WWOX: variants seen among roughly 807,000 people sequenced by gnomAD.
WWOX encodes the protein WW domain-containing oxidoreductase.
WWOX carries 69 observed loss-of-function variants against 46.2 expected under a neutral mutation model. The observed-to-expected ratio is 1.49, with a 90% confidence interval of 1.23 to 1.82. The LOEUF (loss-of-function observed/expected upper bound fraction) is 1.82. WWOX is among the 40% of genes most tolerant of loss of function. The pLI, the probability that WWOX is intolerant of heterozygous loss-of-function variation, is 0.00. For synonymous variants in WWOX, 359 were observed against 202.6 expected (o/e 1.77, Z -6.56); for missense variants, 919 against 542.6 (o/e 1.69, Z -6.89).
chr16:78,203,479 A>G (rs1204571631), intron 5 of WWOX, among the ~76,000 whole-genome samples: 1 of 152,200 alleles, frequency 6.6e-6, no homozygotes, highest in Non-Finnish European at 1.5e-5. Flanking sequence ...GAAAAGGCAA[A>G]ATTCTCTGTG....
intron 5 of WWOX, among the ~76,000 whole-genome samples, chr16:78,351,846 G>A (rs1244190303): frequency 2.0e-5 from 3 of 152,128 alleles, no homozygotes; most frequent in Admixed American, 1.3e-4. Flanking sequence ...TACTCGAGAC[G>A]TAGTTTCACC....
intron 8 of WWOX, among the ~76,000 whole-genome samples, chr16:78,781,153 A>G (rs1276312585): frequency 6.6e-6 from 1 of 152,198 alleles, no homozygotes; most frequent in Non-Finnish European, 1.5e-5. Context: ...AAATGATGAC[A>G]CATTCACCAC....
chr16:79,071,034 C>T (rs1235494080), intron 8 of WWOX, among the ~76,000 whole-genome samples: 2 of 152,296 alleles, frequency 1.3e-5, no homozygotes, highest in South Asian at 2.1e-4. Context: ...GCAGCCCATA[C>T]GTGAATGCAT....
intron 8 of WWOX, among the ~76,000 whole-genome samples, chr16:79,023,554 C>T (rs1704911745): frequency 6.6e-6 from 1 of 152,126 alleles, no homozygotes; most frequent in South Asian, 2.1e-4. Context: ...AGGACAGTGA[C>T]CATCCACCAC....
chr16:78,958,369 A>G (rs1018793714), intron 8 of WWOX, among the ~76,000 whole-genome samples: 2 of 152,232 alleles, frequency 1.3e-5, no homozygotes, highest in African/African-American at 4.8e-5. Context: ...AGATGGTACA[A>G]ACCCCCATGG....
At chr16:78,204,560 C>T (rs543197578) in intron 5 of WWOX, among the ~76,000 whole-genome samples, 1 of 152,170 alleles carries the variant, frequency 6.6e-6, no homozygotes, top group Admixed American at 6.5e-5. Context: ...ATCAACCCCC[C>T]ACTACCCTTC....
At chr16:78,365,107 T>C (rs2081504204) in intron 5 of WWOX, among the ~76,000 whole-genome samples, 1 of 152,206 alleles carries the variant, frequency 6.6e-6, no homozygotes. Context: ...TTTCCATTTC[T>C]TCACTTGCAA....
intron 8 of WWOX, among the ~76,000 whole-genome samples, chr16:78,670,868 G>A (rs942227990): frequency 3.9e-5 from 6 of 151,946 alleles, no homozygotes; most frequent in African/African-American, 9.7e-5. Flanking sequence ...GAATGTGATC[G>A]TACTGGTTTA....
chr16:79,063,689 C>G, intron 8 of WWOX, among the ~76,000 whole-genome samples: 1 of 152,160 alleles, frequency 6.6e-6, no homozygotes, highest in East Asian at 1.9e-4. Context: ...GACGTGCCAG[C>G]ACCTCAAGAA....
rs1440983704 is a variant in WWOX at position 78,948,820 on chromosome 16, T to C, written c.1057-262788T>C. Among the ~76,000 whole-genome samples, 7 of 152,074 alleles carry C rather than the reference T, an allele frequency of 4.6e-5. No individual in the cohort carries two copies. In the East Asian group the frequency reaches 9.7e-4, roughly 21 times the overall value. On this transcript the variant is annotated intron_variant, in intron 8 of 8. Transcript: ENST00000566780. ...ATTAAGGTAACTAATCAGCTGACTT[T>C]AGAATAGGAAGGTTATCCTGGGTGA...
chr16:78,439,854 G>A (rs1329403299), intron 8 of WWOX, among the ~76,000 whole-genome samples: 1 of 152,196 alleles, frequency 6.6e-6, no homozygotes, highest in Admixed American at 6.5e-5. Flanking sequence ...GGCTTCTGTG[G>A]TGCCAGCCAT....
At chr16:78,407,239 G>T (rs879364863) in intron 6 of WWOX, among the ~76,000 whole-genome samples, 3 of 152,162 alleles carry the variant, frequency 2.0e-5, no homozygotes, top group Non-Finnish European at 4.4e-5. Flanking sequence ...AAGACTGTGG[G>T]TCCTTGGGCC....
At chr16:79,175,832 A>G (rs1248085356) in intron 8 of WWOX, among the ~76,000 whole-genome samples, 2 of 152,090 alleles carry the variant, frequency 1.3e-5, no homozygotes, top group Admixed American at 6.5e-5. Flanking sequence ...CCTTCCTCCC[A>G]CACATCCTGC....
At chr16:78,966,927 G>C (rs568400950) in intron 8 of WWOX, among the ~76,000 whole-genome samples, 36 of 152,278 alleles carry the variant, frequency 2.4e-4, no homozygotes, top group Non-Finnish European at 4.4e-4. Context: ...AAGCGTCTGC[G>C]TTGTGTCTGG....
intron 8 of WWOX, among the ~76,000 whole-genome samples, chr16:78,726,764 C>T (rs1043364155): frequency 6.6e-6 from 1 of 151,462 alleles, no homozygotes; most frequent in African/African-American, 2.4e-5. Context: ...TTGAATTTCC[C>T]TCTGTGGTGA....
intron 6 of WWOX, among the ~76,000 whole-genome samples, chr16:78,415,894 G>A (rs1263064057): frequency 6.6e-6 from 1 of 152,182 alleles, no homozygotes; most frequent in Non-Finnish European, 1.5e-5. Flanking sequence ...CTAGTTGAAG[G>A]GGTTGCTGGT....
At chr16:79,003,210 A>G (rs1597261453) in intron 8 of WWOX, among the ~76,000 whole-genome samples, 1 of 152,254 alleles carries the variant, frequency 6.6e-6, no homozygotes. Context: ...AGAATCAGAC[A>G]TGGATAAGCT....
At chr16:78,944,620 C>A (rs572240372) in intron 8 of WWOX, among the ~76,000 whole-genome samples, 1 of 152,252 alleles carries the variant, frequency 6.6e-6, no homozygotes, top group South Asian at 2.1e-4. Flanking sequence ...ATACTGGGAT[C>A]TTTGGAATGA....
chr16:78,903,257 A>T (rs2044874319), intron 8 of WWOX, among the ~76,000 whole-genome samples: 1 of 152,200 alleles, frequency 6.6e-6, no homozygotes, highest in Non-Finnish European at 1.5e-5. Context: ...GCAGAAAGCA[A>T]CCAATCAGAG....
Sources: gnomAD v4.1 joint callset for allele counts (sites outside exome capture counted in the v4.1 genomes callset) on GRCh38, gnomAD v4.1.1 for gene constraint, MANE v1.5 for transcripts, NCBI Gene and HGNC (gene_info 2026-07-23, HGNC 2026-07-21) for gene names.